PHACTR2: variants seen among roughly 807,000 people sequenced by gnomAD.
The protein encoded by PHACTR2 is chromosome 6 open reading frame 56.
PHACTR2 carries 30 observed loss-of-function variants against 76.0 expected under a neutral mutation model. The observed-to-expected ratio is 0.39, with a 90% CI of 0.30 to 0.54. The LOEUF (loss-of-function observed/expected upper bound fraction) is 0.54, where lower values mean the gene tolerates loss of function less well. PHACTR2 is among the 20% of genes least tolerant of loss of function. The pLI is 0.61. For synonymous variants in PHACTR2, 292 were observed against 292.5 expected (o/e 1.00, Z 0.02); for missense variants, 696 against 781.1 (o/e 0.89, Z 1.30).
At chr6:143,670,674 C>G (rs1212834445) in intron 1 of PHACTR2, among the ~76,000 whole-genome samples, 1 of 152,054 alleles carries the variant, frequency 6.6e-6, no homozygotes, top group Non-Finnish European at 1.5e-5. Flanking sequence ...AGTTCTTGTG[C>G]TGTGTTTTTG....
At position 143,816,536 on chromosome 6, in the gene PHACTR2, G is replaced by A. The variant is rs1387874330; in HGVS notation, c.1923-7138G>A. 6.6e-6 allele frequency among the ~76,000 whole-genome samples: 1 copy of A among 152,064 alleles called. No homozygotes were observed. On this transcript the variant is annotated intron_variant, in intron 12 of 12. Transcript: ENST00000440869. The surrounding 1 kb of genome is among the most constrained non-coding windows in gnomAD (Gnocchi z 4.5). ...TCATAGTTCTGACCTCTGGCTTTGT[G>A]AGCATATTATTGCACGCACGGTATC...
rs1436624172 is a variant in PHACTR2, at chr6:143,765,263, G to A, written c.697G>A (p.Gly233Ser). The A allele has an allele frequency of 6.2e-7, 1 of 1,610,298 alleles. No individual in the cohort carries two copies. The highest frequency in any genetic ancestry group is 1.3e-5 in the African/African-American group (1 of 74,524). Residue 233 changes from glycine to serine, a missense_variant and splice_region_variant, in exon 6 of 13, where the codon GGC becomes AGC. Gly to Ser is a moderately conservative substitution (Grantham distance 56). Transcript: ENST00000440869. This position sits in a 1 kb window ranked among gnomAD's most constrained non-coding sequence, Gnocchi z 4.1. The stretch of plus-strand genomic sequence containing the variant: ...AATGCAAGGTCTCTCTATTGTAGCT[G>A]GCTCCTCTCATTCAAAAAAAACAAC... Reference protein sequence around the residue: ...ASRNTTREAAGSSHSKKTTGS... With the variant: ...ASRNTTREAASSSHSKKTTGS...
chr6:143,679,428 G>A lies in PHACTR2; in HGVS notation c.46+1219G>A, dbSNP rs889260242. On this transcript the variant is annotated intron_variant, in intron 1 of 12. Transcript: ENST00000440869. The surrounding 1 kb of genome is among the most constrained non-coding windows in gnomAD (Gnocchi z 4.6). The stretch of plus-strand genomic sequence containing the variant: ...ACAGCTTTTTGAGAGATATTTGCGG[G>A]GAGGGGTTGAGTAGGATTTTAAATT... Among the ~76,000 whole-genome samples the A allele has an allele frequency of 2.0e-5, 3 of 152,166 alleles. No individual in the cohort carries two copies. The highest frequency in any genetic ancestry group is 7.2e-5 in the African/African-American group (3 of 41,424).
chr6:143,805,916 T>C (rs960325305), intron 11 of PHACTR2, among the ~76,000 whole-genome samples: 8 of 152,194 alleles, frequency 5.3e-5, no homozygotes, highest in East Asian at 1.9e-4. Flanking sequence ...CAGGGCTTTT[T>C]TTCTGTCTGT....
In PHACTR2 at chr6:143,554,244, G is replaced by A. The variant is rs927838115; in HGVS notation, c.217+17037G>A. The A allele has an allele frequency of 6.6e-6, 1 of 152,112 alleles. No homozygotes were observed. The highest frequency in any genetic ancestry group is 2.4e-5 in the African/African-American group (1 of 41,396). The allele number at this position is 152,112 out of a possible 1,614,324, so 9.4% of individuals were successfully genotyped here. On this transcript the variant is annotated intron_variant, in intron 1 of 11. Coordinates refer to the PHACTR2 transcript ENST00000367584. The surrounding 1 kb of genome is among the most constrained non-coding windows in gnomAD (Gnocchi z 5.9). ...ATTGATGGAGATTTTAACATTACGT[G>A]GAAGTAGCTAAACTAATTGAAGACA...
At chr6:143,613,679 T>C (rs753494119) in intron 1 of PHACTR2, among the ~76,000 whole-genome samples, 1 of 152,222 alleles carries the variant, frequency 6.6e-6, no homozygotes, top group Non-Finnish European at 1.5e-5. Flanking sequence ...CAAGATGAAA[T>C]AGAAATCCTT....
intron 2 of PHACTR2, among the ~76,000 whole-genome samples, chr6:143,715,111 T>C (rs1166463968): frequency 6.6e-6 from 1 of 152,230 alleles, no homozygotes; most frequent in Non-Finnish European, 1.5e-5. Context: ...CTCTGTGTCC[T>C]GTATTCACCG....
chr6:143,734,973 C>A (rs1352631411), intron 2 of PHACTR2, among the ~76,000 whole-genome samples: 2 of 152,122 alleles, frequency 1.3e-5, no homozygotes, highest in Non-Finnish European at 2.9e-5. Context: ...CTTTTTCATC[C>A]TGTGATATGA....
chr6:143,678,254 G>A lies in PHACTR2; in HGVS notation c.46+45G>A. 1 of 1,413,676 alleles carries A rather than the reference G, an allele frequency of 7.1e-7. No homozygotes were observed. Among genetic ancestry groups the A allele is most frequent in the Non-Finnish European group, 9.2e-7 (1 of 1,088,886 alleles). The allele number at this position is 1,413,676 out of a possible 1,614,324, so 87.6% of individuals were successfully genotyped here. On this transcript the variant is annotated intron_variant, in intron 1 of 12. Transcript: ENST00000440869. The surrounding 1 kb of genome is among the most constrained non-coding windows in gnomAD (Gnocchi z 6.2). Reference sequence around the variant, plus strand: ...GATGCGCTCCCGCCGCGCGGGCGCAGGGCTGGCGGCGGGGCCCCGGGGCAG... The same window carrying A: ...GATGCGCTCCCGCCGCGCGGGCGCAAGGCTGGCGGCGGGGCCCCGGGGCAG...
intron 1 of PHACTR2, among the ~76,000 whole-genome samples, chr6:143,551,862 T>C (rs1562681263): frequency 6.6e-6 from 1 of 152,198 alleles, no homozygotes; most frequent in Non-Finnish European, 1.5e-5. Flanking sequence ...TGGAGAACTT[T>C]GACTTGCTGG....
rs1779279856 is a variant in PHACTR2, at chr6:143,755,600, A to G, written c.454+1688A>G. 3.4e-6 allele frequency: 1 copy of G among 293,982 alleles called. No homozygotes were observed. The highest frequency in any genetic ancestry group is 6.8e-6 in the Non-Finnish European group (1 of 148,032). 18.2% of individuals were successfully genotyped at this position (293,982 alleles called of 1,614,324 possible). A position where few individuals can be genotyped will look rare whatever the true frequency, so the allele number is the denominator to read the frequency against. ...TCTTTGCTTAGAATTAGTACATTCA[A>G]TTCTTCCTTATCTGATAAGGTCCAA... is the stretch of plus-strand genomic sequence containing the variant. On this transcript the variant is annotated intron_variant, in intron 4 of 12. Transcript: ENST00000440869. The surrounding 1 kb of genome is among the most constrained non-coding windows in gnomAD (Gnocchi z 5.2).
rs2128480395 is a variant in PHACTR2, at chr6:143,791,794, G to C, written c.1845+2884G>C. ...TTTAGAATGCATACATTTTCTTGAT[G>C]AAACTTTGTTATATTTAAAAATATA... On this transcript the variant is annotated intron_variant, in intron 11 of 12. Transcript: ENST00000440869. This position sits in a 1 kb window ranked among gnomAD's most constrained non-coding sequence, Gnocchi z 4.7. 6.6e-6 allele frequency among the ~76,000 whole-genome samples: 1 copy of C among 152,036 alleles called. No homozygotes were observed. Among genetic ancestry groups the C allele is most frequent in the South Asian group, 2.1e-4 (1 of 4,798 alleles).
Position 143,654,826 on chromosome 6 carries a change from G to T in PHACTR2, c.13+46504G>T, listed in dbSNP as rs78625869. Among the ~76,000 whole-genome samples, 2,769 of 151,914 alleles carry T rather than the reference G, an allele frequency of 0.018. 85 individuals are homozygous for T. The highest frequency in any genetic ancestry group is 0.062 in the African/African-American group (2,554 of 41,408). ...CTCTACAAATAAACAAAAACTAAATGAAGTATTGATACATGCCACAACATG... is the reference window on the plus strand; with the variant it reads ...CTCTACAAATAAACAAAAACTAAATTAAGTATTGATACATGCCACAACATG... On this transcript the variant is annotated intron_variant, in intron 1 of 11. Transcript: ENST00000305766. The surrounding 1 kb of genome is among the most constrained non-coding windows in gnomAD (Gnocchi z 4.6).
chr6:143,682,151 T>G (rs1777405652), intron 1 of PHACTR2, among the ~76,000 whole-genome samples: 1 of 152,228 alleles, frequency 6.6e-6, no homozygotes, highest in African/African-American at 2.4e-5. Flanking sequence ...TGTAGATCAA[T>G]TTGGGTAGTA....
In PHACTR2 at chr6:143,777,921, T is replaced by C. The variant is rs1775323800; in HGVS notation, c.1645+538T>C. Among the ~76,000 whole-genome samples the C allele has an allele frequency of 6.6e-6, 1 of 152,230 alleles. No homozygotes were observed. Among genetic ancestry groups the C allele is most frequent in the South Asian group, 2.1e-4 (1 of 4,826 alleles). ...TCAGCACTAAAACGTTCTCCATTCATTTTCCTACTTTATTTTCCCATTCTG... is the reference window on the plus strand; with the variant it reads ...TCAGCACTAAAACGTTCTCCATTCACTTTCCTACTTTATTTTCCCATTCTG... On this transcript the variant is annotated intron_variant, in intron 9 of 12. Transcript: ENST00000440869. The surrounding 1 kb of genome is among the most constrained non-coding windows in gnomAD (Gnocchi z 4.6).
At chr6:143,812,266 C>T (rs558123630) in intron 12 of PHACTR2, among the ~76,000 whole-genome samples, 19 of 152,308 alleles carry the variant, frequency 1.2e-4, no homozygotes, top group Admixed American at 4.6e-4. Context: ...TCTCACAACT[C>T]ACCCTTTTGA....
intron 6 of PHACTR2, among the ~76,000 whole-genome samples, chr6:143,766,054 T>TCG (rs1340851893): frequency 6.6e-6 from 1 of 152,228 alleles, no homozygotes; most frequent in African/African-American, 2.4e-5. Flanking sequence ...AGAACCTGCT[T>TCG]CAGCACTGCT....
In PHACTR2 at chr6:143,662,440, TATC is replaced by T. The variant is rs1776962142; in HGVS notation, c.14-49573_14-49571del. On this transcript the variant is annotated intron_variant, in intron 1 of 11. Transcript: ENST00000305766. The surrounding 1 kb of genome is among the most constrained non-coding windows in gnomAD (Gnocchi z 4.7). ...AAGATGTCGTTTGGAGTTTTAAAGATATCATTGTACTACAAATAAAAAATATTA... is the reference window on the plus strand; with the variant it reads ...AAGATGTCGTTTGGAGTTTTAAAGATATTGTACTACAAATAAAAAATATTA... Among the ~76,000 whole-genome samples the T allele has an allele frequency of 1.3e-5, 2 of 152,188 alleles. No individual in the cohort carries two copies. Among genetic ancestry groups the T allele is most frequent in the African/African-American group, 4.8e-5 (2 of 41,460 alleles).
intron 1 of PHACTR2, among the ~76,000 whole-genome samples, chr6:143,650,990 CA>C (rs202087638): frequency 6.7e-6 from 1 of 150,356 alleles, no homozygotes; most frequent in South Asian, 2.1e-4. Context: ...ACAAATTTAC[CA>C]AAAAAAACAA....
Sources: allele counts gnomAD v4.1 joint callset (sites outside exome capture counted in the v4.1 genomes callset), GRCh38; gene constraint gnomAD v4.1.1; non-coding constraint Gnocchi (gnomAD v3.1); transcripts MANE v1.5; gene names NCBI Gene and HGNC (gene_info 2026-07-23, HGNC 2026-07-21).